The following DLG2 variants were observed in gnomAD, a reference collection of about 807,000 sequenced individuals.
The protein encoded by DLG2 is disks large homolog 2.
DLG2 carries 45 observed loss-of-function variants against 132.5 expected under a neutral mutation model. The observed-to-expected ratio is 0.34, with a 90% confidence interval of 0.27 to 0.44. The LOEUF is 0.44. Ranked by LOEUF, DLG2 falls within the 20% of genes least tolerant of loss-of-function variation. The pLI is 1.00. For missense variants in DLG2, 1,045 were observed against 1,196.9 expected, an observed-to-expected ratio of 0.87 and a Z score of 1.87; for synonymous variants, 424 against 419.6, an observed-to-expected ratio of 1.01 and a Z score of -0.13.
intron 6 of DLG2, among the ~76,000 whole-genome samples, chr11:84,671,541 G>A (rs1329856177): frequency 1.3e-5 from 2 of 152,254 alleles, no homozygotes; most frequent in East Asian, 1.9e-4. Context: ...GGAACCTGCT[G>A]TAAAATAAAC....
chr11:84,931,075 C>G (rs2048026573), intron 6 of DLG2, among the ~76,000 whole-genome samples: 1 of 152,064 alleles, frequency 6.6e-6, no homozygotes, highest in African/African-American at 2.4e-5. Flanking sequence ...TGGGCAGATT[C>G]CAAACAGCTG....
In DLG2 at chr11:85,281,067, G is replaced by T. The variant is rs188962110; in HGVS notation, c.186+4153C>A. Among the ~76,000 whole-genome samples the T allele has an allele frequency of 2.0e-5, 3 of 152,098 alleles. No individual in the cohort carries two copies. In the East Asian group the frequency reaches 5.8e-4, roughly 30 times the overall value. On this transcript the variant is annotated intron_variant, in intron 4 of 27. Coordinates refer to ENST00000376104, the MANE Select transcript of DLG2 (RefSeq NM_001142699.3). The stretch of plus-strand genomic sequence containing the variant: ...TTTTCCAGAAACTTCATATAAATCA[G>T]AGTTTAAGGTGAGCAGCTAGAATTC...
intron 6 of DLG2, among the ~76,000 whole-genome samples, chr11:84,564,732 C>T (rs2099444356): frequency 1.3e-5 from 2 of 152,112 alleles, no homozygotes; most frequent in South Asian, 4.1e-4. Flanking sequence ...AAGGTGTCTC[C>T]TAAGAGTATG....
intron 6 of DLG2, among the ~76,000 whole-genome samples, chr11:84,949,175 A>T (rs963872040): frequency 1.3e-5 from 2 of 152,162 alleles, no homozygotes; most frequent in African/African-American, 4.8e-5. Flanking sequence ...AGGATCCGTG[A>T]TGGCCCACAA....
intron 7 of DLG2, among the ~76,000 whole-genome samples, chr11:84,273,610 C>G (rs139055796): frequency 6.6e-6 from 1 of 152,100 alleles, no homozygotes; most frequent in Non-Finnish European, 1.5e-5. Flanking sequence ...AAAAAATATT[C>G]CTACCAGAAG....
At chr11:83,673,681 T>C (rs1057044875) in intron 18 of DLG2, among the ~76,000 whole-genome samples, 10 of 152,180 alleles carry the variant, frequency 6.6e-5, no homozygotes, top group Admixed American at 1.3e-4. Context: ...GTCTTGAACA[T>C]TGTGGGAAAT....
chr11:85,210,095 T>A (rs886071626), intron 4 of DLG2, among the ~76,000 whole-genome samples: 1 of 152,180 alleles, frequency 6.6e-6, no homozygotes, highest in Non-Finnish European at 1.5e-5. Context: ...TGAACTTTGA[T>A]CATAATCTAA....
chr11:85,291,814 A>G (rs2078910924), intron 3 of DLG2, among the ~76,000 whole-genome samples: 1 of 151,874 alleles, frequency 6.6e-6, no homozygotes, highest in Non-Finnish European at 1.5e-5. Flanking sequence ...CTAACTCCTG[A>G]CCTCAAGTGA....
intron 3 of DLG2, among the ~76,000 whole-genome samples, chr11:85,538,627 T>C (rs1474123050): frequency 6.6e-6 from 1 of 151,916 alleles, no homozygotes; most frequent in Non-Finnish European, 1.5e-5. Flanking sequence ...AAAGAAAATG[T>C]GGTACATATA....
chr11:83,606,541 T>A (rs1470880103), intron 19 of DLG2, among the ~76,000 whole-genome samples: 1 of 152,072 alleles, frequency 6.6e-6, no homozygotes, highest in African/African-American at 2.4e-5. Context: ...TTTAGGAACG[T>A]CAGCCCATAC....
chr11:84,292,711 C>T lies in DLG2; in HGVS notation c.520-41420G>A, dbSNP rs188897984. 8.5e-5 allele frequency among the ~76,000 whole-genome samples: 13 copies of T among 152,066 alleles called. No individual in the cohort carries two copies. The East Asian group carries it at 2.1e-3, about 25-fold the overall frequency. On this transcript the variant is annotated intron_variant, in intron 7 of 27. Transcript: ENST00000376104. ...TTGATAGAGAATGAAAGTTTAGATG[C>T]GAGAAATTACATACTATATCCAAAA...
chr11:84,756,479 C>T (rs2066890241), intron 6 of DLG2, among the ~76,000 whole-genome samples: 1 of 152,112 alleles, frequency 6.6e-6, no homozygotes, highest in East Asian at 1.9e-4. Context: ...GCAAACAGAC[C>T]TGGGCTTGCA....
intron 6 of DLG2, among the ~76,000 whole-genome samples, chr11:84,989,341 A>C (rs1184113782): frequency 6.6e-6 from 1 of 152,100 alleles, no homozygotes; most frequent in African/African-American, 2.4e-5. Flanking sequence ...ACGCCCGGCT[A>C]ATTTTTATAT....
chr11:85,122,934 G>C (rs2074509567), intron 5 of DLG2, among the ~76,000 whole-genome samples: 1 of 61,704 alleles, frequency 1.6e-5, no homozygotes, highest in East Asian at 8.7e-4. Flanking sequence ...GCATGTATGT[G>C]TGTCTGTATA....
intron 18 of DLG2, among the ~76,000 whole-genome samples, chr11:83,743,084 A>G (rs977594786): frequency 2.0e-5 from 3 of 152,212 alleles, no homozygotes; most frequent in Non-Finnish European, 4.4e-5. Context: ...GATCTATCCA[A>G]CCAAGACTAG....
chr11:84,045,334 T>A (rs1221542886), intron 11 of DLG2, among the ~76,000 whole-genome samples: 4 of 151,706 alleles, frequency 2.6e-5, no homozygotes, highest in Non-Finnish European at 5.9e-5. Flanking sequence ...GTGGTGAATA[T>A]AAGGAATTGC....
intron 15 of DLG2, among the ~76,000 whole-genome samples, chr11:83,920,377 T>C (rs2222121): frequency 0.8 from 121,657 of 151,980 alleles, 48,771 homozygotes; most frequent in East Asian, 0.91. Flanking sequence ...ATTTTAATCT[T>C]TTAATTAAAA....
At position 84,506,079 on chromosome 11, in the gene DLG2, C is replaced by CTTTTT. The variant is rs779039240; in HGVS notation, c.519+28486_519+28490dup. Reference sequence around the variant, plus strand: ...CTAATGTTATGACAGAGGCTCAGTTCTTTTTTTTTTTTTTGAGACGGAGTC... The same window carrying CTTTTT: ...CTAATGTTATGACAGAGGCTCAGTTCTTTTTTTTTTTTTTTTTTTGAGACGGAGTC... On this transcript the variant is annotated intron_variant, in intron 7 of 27. Transcript: ENST00000376104. Among the ~76,000 whole-genome samples, 24 of 107,028 alleles carry CTTTTT rather than the reference C, an allele frequency of 2.2e-4. 5 individuals are homozygous for CTTTTT. The highest frequency in any genetic ancestry group is 1.1e-3 in the African/African-American group (21 of 19,740). The allele number at this position is 107,028 out of a possible 152,430, so 70.2% of individuals were successfully genotyped here.
chr11:84,936,978 C>A (rs1256633024), intron 6 of DLG2, among the ~76,000 whole-genome samples: 1 of 152,094 alleles, frequency 6.6e-6, no homozygotes, highest in East Asian at 1.9e-4. Flanking sequence ...CATGGTAAAA[C>A]CACGTCTGTA....
Sources: gnomAD v4.1 joint callset for allele counts (sites outside exome capture counted in the v4.1 genomes callset) on GRCh38, gnomAD v4.1.1 for gene constraint, MANE v1.5 for transcripts, NCBI Gene and HGNC (gene_info 2026-07-23, HGNC 2026-07-21) for gene names.